TUBGCP5: variants seen among roughly 807,000 people sequenced by gnomAD.
TUBGCP5 encodes tubulin gamma complex component 5, also known as gamma-tubulin complex component 5.
In TUBGCP5, 98 loss-of-function variants were observed where a neutral mutation model predicts 134.7. That is an observed-to-expected ratio of 0.73 (90% CI 0.62 to 0.86). The LOEUF (loss-of-function observed/expected upper bound fraction) is 0.86, where lower values mean the gene tolerates loss of function less well. Among genes scored for constraint, TUBGCP5 ranks in the 40% least tolerant of loss-of-function variants. TUBGCP5 has a pLI of 0.00. For synonymous variants in TUBGCP5, 456 were observed against 431.4 expected (o/e 1.06, Z -0.71); for missense variants, 1,150 against 1,244.8 (o/e 0.92, Z 1.15).
intron 22 of TUBGCP5, chr15:23,000,204 G>A (rs2064290054): frequency 5.4e-6 from 6 of 1,104,872 alleles, no homozygotes; most frequent in Non-Finnish European, 6.8e-6. Flanking sequence ...ACCGCGCCAG[G>A]CCAGGAGCTT....
In TUBGCP5 at chr15:23,013,219, G is replaced by A. The variant is rs750775605; in HGVS notation, c.1757-1888C>T. On this transcript the variant is annotated intron_variant, in intron 13 of 22. Transcript: ENST00000615383. The surrounding 1 kb of genome is among the most constrained non-coding windows in gnomAD (Gnocchi z 4.5). ...TGTAATCCCAACACTTCAGGAGGCC[G>A]AGGCGGGCGGATCATGAGGTCAGGG... Among the ~76,000 whole-genome samples the A allele has an allele frequency of 7.2e-5, 11 of 152,148 alleles. No homozygotes were observed. The highest frequency in any genetic ancestry group is 1.9e-4 in the East Asian group (1 of 5,162).
chr15:23,030,794 C>T (rs1335470592), intron 6 of TUBGCP5, 91 bp downstream of exon 6: 2 of 1,498,700 alleles, frequency 1.3e-6, no homozygotes, highest in African/African-American at 1.4e-5. Flanking sequence ...TTAGCCAATA[C>T]CTTGATTACA....
intron 3 of TUBGCP5, among the ~76,000 whole-genome samples, chr15:23,035,961 A>C (rs1310971081): frequency 6.6e-6 from 1 of 152,212 alleles, no homozygotes. Context: ...ACTATAAAGA[A>C]TTGAAATACA....
intron 7 of TUBGCP5, among the ~76,000 whole-genome samples, chr15:23,026,819 G>A (rs1351475171): frequency 6.6e-6 from 1 of 152,042 alleles, no homozygotes; most frequent in Non-Finnish European, 1.5e-5. Flanking sequence ...TATAATCTCA[G>A]CTACTTGGGA....
intron 10 of TUBGCP5, 102 bp downstream of exon 10, chr15:23,023,845 T>A: frequency 3.4e-6 from 4 of 1,166,542 alleles, no homozygotes; most frequent in African/African-American, 1.6e-5. Flanking sequence ...GAGAACTACT[T>A]ATCTGCTAGG....
chr15:23,034,241 A>G (rs1258902714), intron 3 of TUBGCP5, among the ~76,000 whole-genome samples: 1 of 152,164 alleles, frequency 6.6e-6, no homozygotes, highest in Non-Finnish European at 1.5e-5. Flanking sequence ...ATAAGCCCCC[A>G]ATAAAAGCCC....
chr15:23,039,549 G>C lies in TUBGCP5; in HGVS notation c.-6C>G. The C allele has an allele frequency of 1.4e-6, 2 of 1,443,916 alleles. No homozygotes were observed. The highest frequency in any genetic ancestry group is 1.8e-6 in the Non-Finnish European group (2 of 1,083,434). 89.4% of individuals were successfully genotyped at this position (1,443,916 alleles called of 1,614,324 possible). A position where few individuals can be genotyped will look rare whatever the true frequency, so the allele number is the denominator to read the frequency against. ...GGTGGCCCGTGCCGCGCCATGTTCC[G>C]CGCTCCTGCAGCGCGCGTCTAACGA... On this transcript the variant is annotated 5_prime_UTR_variant, in exon 1 of 23. Transcript: ENST00000615383.
downstream of TUBGCP5, among the ~76,000 whole-genome samples, chr15:22,995,222 G>A (rs1164969661): frequency 6.6e-6 from 1 of 150,684 alleles, no homozygotes; most frequent in Non-Finnish European, 1.5e-5. Context: ...CCAGCCTGGG[G>A]GACAGAGCGA....
Position 23,024,087 on chromosome 15 carries a change from A to G in TUBGCP5, c.1028T>C (p.Leu343Pro). 6.8e-6 allele frequency: 11 copies of G among 1,614,184 alleles called. No homozygotes were observed. Among genetic ancestry groups the G allele is most frequent in the Non-Finnish European group, 8.5e-6 (10 of 1,180,022 alleles). Residue 343 changes from leucine (L) to proline (P), a missense_variant, in exon 10 of 23, where the codon CTG becomes CCG. Physicochemically the swap from Leu to Pro is moderately conservative, Grantham distance 98. Coordinates refer to ENST00000615383, the MANE Select transcript of TUBGCP5 (RefSeq NM_052903.6). Reference sequence around the variant, plus strand: ...CTTAGGAACAGACCCACTTCCAGGCAGCATGCTCTCAGAACTGTGTCCCAT... The same window carrying G: ...CTTAGGAACAGACCCACTTCCAGGCGGCATGCTCTCAGAACTGTGTCCCAT... Reference protein sequence around the residue: ...EVMGHSSESMLPGSGSVPKKS... With the variant: ...EVMGHSSESMPPGSGSVPKKS...
At position 23,010,101 on chromosome 15, in the gene TUBGCP5, T is replaced by G; in HGVS notation, c.1988A>C (p.Lys663Thr). 1 of 1,613,978 alleles carries G rather than the reference T, an allele frequency of 6.2e-7. No homozygotes were observed. The highest frequency in any genetic ancestry group is 1.1e-5 in the South Asian group (1 of 91,030). ...MYLEQSDFHEKFAGGDVCVDR... is the reference protein window; with the variant it reads ...MYLEQSDFHETFAGGDVCVDR... ...CACACATACATCACCACCAGCAAACTTCTCGTGAAAGTCACTCTGCTCCAA... is the reference window on the plus strand; with the variant it reads ...CACACATACATCACCACCAGCAAACGTCTCGTGAAAGTCACTCTGCTCCAA... The change falls in exon 15 of 23, where the codon AAG becomes ACG. Residue 663 changes from lysine to threonine, a missense_variant. Physicochemically the swap from Lys to Thr is moderately conservative, Grantham distance 78 (BLOSUM62 -1). Transcript: ENST00000615383.
At chr15:23,007,067 AG>A (rs1341949093) in intron 16 of TUBGCP5, among the ~76,000 whole-genome samples, 1 of 152,106 alleles carries the variant, frequency 6.6e-6, no homozygotes, top group Non-Finnish European at 1.5e-5. Context: ...GTCACAGGGC[AG>A]TGTGTGATTA....
chr15:23,025,548 T>G (rs2065934454), intron 8 of TUBGCP5, among the ~76,000 whole-genome samples: 1 of 152,170 alleles, frequency 6.6e-6, no homozygotes, highest in African/African-American at 2.4e-5. Flanking sequence ...GAATAGTCAG[T>G]AGCTACCGGC....
At chr15:23,030,363 C>A (rs2066235358) in intron 6 of TUBGCP5, among the ~76,000 whole-genome samples, 1 of 152,048 alleles carries the variant, frequency 6.6e-6, no homozygotes, top group Non-Finnish European at 1.5e-5. Context: ...TTAGAAAGTC[C>A]GGAATAAATG....
rs1280590965 is a variant in TUBGCP5 at position 23,009,977 on chromosome 15, T to TCCACA, written c.2107_2111dup (p.Asn705ValfsTer8). ...CTTTTTTTAGAGTTTGCATGAGATT[T>TCCACA]CCACAGCAATCTAGATACTGCTTGT... On this transcript the variant is annotated frameshift_variant, in exon 15 of 23. Coordinates refer to ENST00000615383, the MANE Select transcript of TUBGCP5 (RefSeq NM_052903.6). LOFTEE classifies it high-confidence loss of function. The TCCACA allele has an allele frequency of 6.2e-7, 1 of 1,613,596 alleles. No individual in the cohort carries two copies. The highest frequency in any genetic ancestry group is 1.7e-5 in the Admixed American group (1 of 59,908).
At chr15:23,036,221 T>C (rs1276524283) in intron 3 of TUBGCP5, among the ~76,000 whole-genome samples, 1 of 152,008 alleles carries the variant, frequency 6.6e-6, no homozygotes, top group Non-Finnish European at 1.5e-5. Flanking sequence ...CCACCCCCAA[T>C]AAAAATGCTG....
Position 23,037,242 on chromosome 15 carries a change from T to C in TUBGCP5, c.147-90A>G, listed in dbSNP as rs1473975807. 10 of 1,191,514 alleles carry C rather than the reference T, an allele frequency of 8.4e-6. 1 individual carries two copies. The highest frequency in any genetic ancestry group is 3.0e-5 in the African/African-American group (2 of 65,838). The allele number at this position is 1,191,514 out of a possible 1,614,324, so 73.8% of individuals were successfully genotyped here. ...GGCCCTCCATATCCCCCATATGCTC[T>C]GTACTCAGCTACACATTTCCAGAAT... On this transcript the variant is annotated intron_variant, in intron 1 of 22. Coordinates refer to ENST00000615383, the MANE Select transcript of TUBGCP5 (RefSeq NM_052903.6).
intron 21 of TUBGCP5, 60 bp downstream of exon 21, chr15:23,003,005 A>AATT: frequency 6.4e-7 from 1 of 1,566,212 alleles, no homozygotes; most frequent in Non-Finnish European, 8.8e-7. Flanking sequence ...GTCTCTAAAA[A>AATT]AAAGGGAAGC....
At chr15:23,030,846 G>A in intron 6 of TUBGCP5, 39 bp downstream of exon 6, 1 of 1,598,008 alleles carries the variant, frequency 6.3e-7, no homozygotes, top group Non-Finnish European at 8.5e-7. Context: ...TAGGGAATTT[G>A]TCTATTAGAA....
Position 23,003,096 on chromosome 15 carries a change from C to A in TUBGCP5, c.2896G>T (p.Asp966Tyr). The A allele has an allele frequency of 6.2e-7, 1 of 1,614,174 alleles. No homozygotes were observed. The highest frequency in any genetic ancestry group is 8.5e-7 in the Non-Finnish European group (1 of 1,180,024). Reference protein sequence around the residue: ...KVLNLALMFADGWQAGLGTWR... With the variant: ...KVLNLALMFAYGWQAGLGTWR... ...GTGCCCAGGCCTGCCTGCCAACCGT[C>A]TGCAAACATGAGAGCCAAGTTCAAC... Residue 966 changes from aspartate (D) to tyrosine (Y), a missense_variant, in exon 21 of 23, where the codon GAC (aspartate) becomes TAC (tyrosine). Transcript: ENST00000615383.
Sources: gnomAD v4.1 joint callset for allele counts (sites outside exome capture counted in the v4.1 genomes callset) on GRCh38, gnomAD v4.1.1 for gene constraint, Gnocchi (gnomAD v3.1) non-coding constraint, MANE v1.5 for transcripts, NCBI Gene and HGNC (gene_info 2026-07-23, HGNC 2026-07-21) for gene names.